The following CLNK variants were observed in gnomAD, a reference collection of about 807,000 sequenced individuals.
CLNK encodes cytokine-dependent hematopoietic cell linker.
CLNK carries 74 observed loss-of-function variants against 68.6 expected under a neutral mutation model. The ratio of observed to expected loss-of-function variants is 1.08; its 90% CI spans 0.89 to 1.31. The LOEUF is 1.31. Among genes scored for constraint, CLNK ranks in the 50% most tolerant of loss-of-function variants. CLNK has a pLI of 0.00. For synonymous variants in CLNK, 198 were observed against 172.2 expected (o/e 1.15, Z -1.17); for missense variants, 553 against 515.3 (o/e 1.07, Z -0.71).
intron 3 of CLNK, among the ~76,000 whole-genome samples, chr4:10,587,505 G>A (rs539329845): frequency 3.9e-5 from 6 of 152,218 alleles, no homozygotes; most frequent in East Asian, 1.9e-4. Context: ...ATTGAACATC[G>A]CAACACACGC....
At chr4:10,694,764 G>T in the CLNK span, among the ~76,000 whole-genome samples, 4 of 152,078 alleles carry the variant, frequency 2.6e-5, no homozygotes, top group Non-Finnish European at 5.9e-5. Context: ...ATTTCTCAGG[G>T]TGGGCATGAT....
intron 3 of CLNK, among the ~76,000 whole-genome samples, chr4:10,589,300 C>T (rs1049314855): frequency 6.6e-6 from 1 of 152,152 alleles, no homozygotes; most frequent in Non-Finnish European, 1.5e-5. Flanking sequence ...CGAGTCCCTC[C>T]AAATCCCTTC....
the CLNK span, among the ~76,000 whole-genome samples, chr4:10,730,218 T>C: frequency 0.1 from 15,584 of 152,152 alleles, 1,079 homozygotes; most frequent in African/African-American, 0.2. Flanking sequence ...ACTGCACCAT[T>C]GAACCTCACA....
intron 11 of CLNK, among the ~76,000 whole-genome samples, chr4:10,533,955 T>A (rs1434171571): frequency 6.6e-6 from 1 of 152,198 alleles, no homozygotes; most frequent in Non-Finnish European, 1.5e-5. Context: ...CCTGTCAACA[T>A]TAGAAGTACT....
intron 2 of CLNK, among the ~76,000 whole-genome samples, chr4:10,616,774 A>G (rs1722241881): frequency 1.5e-5 from 1 of 67,804 alleles, no homozygotes; most frequent in Admixed American, 1.9e-4. Context: ...TTGTGTGTGT[A>G]TATATGTGTG....
the CLNK span, among the ~76,000 whole-genome samples, chr4:10,725,649 C>G: frequency 4.4e-3 from 662 of 152,122 alleles, 6 homozygotes; most frequent in African/African-American, 0.014. Context: ...GTCAGGAGAT[C>G]GAGACCATCC....
chr4:10,617,460 G>A (rs535834994), intron 2 of CLNK, among the ~76,000 whole-genome samples: 1 of 152,196 alleles, frequency 6.6e-6, no homozygotes, highest in Non-Finnish European at 1.5e-5. Context: ...ATATGTAACT[G>A]TAAGGTATGG....
At chr4:10,588,877 A>T (rs1398792983) in intron 3 of CLNK, among the ~76,000 whole-genome samples, 1 of 152,040 alleles carries the variant, frequency 6.6e-6, no homozygotes, top group Non-Finnish European at 1.5e-5. Flanking sequence ...AATGTATTAT[A>T]CGTCTAAAAT....
At chr4:10,526,879 T>A (rs1335363594) in intron 13 of CLNK, among the ~76,000 whole-genome samples, 2 of 152,204 alleles carry the variant, frequency 1.3e-5, no homozygotes, top group Admixed American at 1.3e-4. Flanking sequence ...ATCATAATAC[T>A]ATGATATAAA....
chr4:10,507,231 C>T (rs759834732), intron 17 of CLNK, among the ~76,000 whole-genome samples: 5 of 151,876 alleles, frequency 3.3e-5, no homozygotes, highest in Non-Finnish European at 7.4e-5. Context: ...CTTGTCTCAG[C>T]CTCCCGAGTA....
chr4:10,723,919 A>AGAGAGAGAGATCGAGGGAGAGAG, the CLNK span, among the ~76,000 whole-genome samples: 2 of 148,032 alleles, frequency 1.4e-5, no homozygotes, highest in African/African-American at 5.0e-5. Flanking sequence ...AGAGAGAGAG[A>AGAGAGAGAGATCGAGGGAGAGAG]AGGCAGGGCA....
At chr4:10,601,007 T>C (rs1721572977) in intron 2 of CLNK, among the ~76,000 whole-genome samples, 1 of 152,180 alleles carries the variant, frequency 6.6e-6, no homozygotes, top group South Asian at 2.1e-4. Flanking sequence ...ATAATCAGCT[T>C]TGGCCTTTTT....
At chr4:10,511,505 A>G (rs1717581502) in intron 16 of CLNK, among the ~76,000 whole-genome samples, 3 of 152,192 alleles carry the variant, frequency 2.0e-5, no homozygotes, top group African/African-American at 7.2e-5. Flanking sequence ...TCCATTAAAG[A>G]ATAACTCTCC....
chr4:10,665,616 A>G (rs1305662493), intron 2 of CLNK, among the ~76,000 whole-genome samples: 2 of 149,254 alleles, frequency 1.3e-5, no homozygotes, highest in African/African-American at 5.0e-5. Context: ...GTGAGCTGAG[A>G]TCATGCCACT....
intron 11 of CLNK, among the ~76,000 whole-genome samples, chr4:10,537,665 T>TTC (rs1560206852): frequency 3.7e-4 from 22 of 59,786 alleles, no homozygotes; most frequent in Admixed American, 1.3e-3. Context: ...CTTTCTTTCT[T>TTC]TCTTTCTTTC....
chr4:10,707,609 C>T, the CLNK span, among the ~76,000 whole-genome samples: 2 of 152,132 alleles, frequency 1.3e-5, no homozygotes, highest in African/African-American at 4.8e-5. Context: ...CAAACTGTAA[C>T]CTGACCACCT....
At chr4:10,713,106 G>A in the CLNK span, among the ~76,000 whole-genome samples, 2 of 152,124 alleles carry the variant, frequency 1.3e-5, no homozygotes, top group African/African-American at 4.8e-5. Flanking sequence ...TTTTTTCTCT[G>A]CTGCAAGAGC....
At chr4:10,589,502 A>G (rs575184611) in intron 3 of CLNK, among the ~76,000 whole-genome samples, 3 of 152,164 alleles carry the variant, frequency 2.0e-5, no homozygotes, top group Non-Finnish European at 4.4e-5. Context: ...CCGTGCGTCA[A>G]TGCAAGCCAA....
At chr4:10,670,128 A>T (rs1450543637) in intron 1 of CLNK, among the ~76,000 whole-genome samples, 1 of 152,230 alleles carries the variant, frequency 6.6e-6, no homozygotes, top group South Asian at 2.1e-4. Flanking sequence ...AAACTGAAAC[A>T]TATGAAAATG....
Sources: allele counts gnomAD v4.1 joint callset (sites outside exome capture counted in the v4.1 genomes callset), GRCh38; gene constraint gnomAD v4.1.1; transcripts MANE v1.5; gene names NCBI Gene and HGNC (gene_info 2026-07-23, HGNC 2026-07-21).